Variants in ARHGAP10 observed in about 807,000 individuals in gnomAD.
The protein encoded by ARHGAP10 is rho GTPase-activating protein 10.
Under a neutral mutation model 108.6 loss-of-function variants are expected in ARHGAP10, and 87 were observed. That is an observed-to-expected ratio of 0.80 (90% CI 0.67 to 0.96). The LOEUF (loss-of-function observed/expected upper bound fraction) is 0.96. Among genes scored for constraint, ARHGAP10 ranks in the 40% least tolerant of loss-of-function variants. The pLI, the probability that ARHGAP10 is intolerant of heterozygous loss-of-function variation, is 0.00. For missense variants in ARHGAP10, 939 were observed against 954.5 expected (o/e 0.98, Z 0.21); for synonymous variants, 347 against 341.1 (o/e 1.02, Z -0.19).
intron 7 of ARHGAP10, among the ~76,000 whole-genome samples, chr4:147,870,367 A>G (rs553797342): frequency 5.3e-5 from 8 of 152,182 alleles, no homozygotes; most frequent in Admixed American, 3.3e-4. Flanking sequence ...GGCCGCATAT[A>G]TGTATTTTAG....
intron 18 of ARHGAP10, among the ~76,000 whole-genome samples, chr4:147,973,707 G>A (rs1000740841): frequency 6.6e-6 from 1 of 152,014 alleles, no homozygotes; most frequent in African/African-American, 2.4e-5. Flanking sequence ...CCCAGCCTCT[G>A]GTAACCATCA....
rs537508157 is a variant in ARHGAP10 at position 148,015,764 on chromosome 4, C to A, written c.1717-7499C>A. Reference sequence around the variant, plus strand: ...ATCAGGGTTTGCTTAAACCTGTAGACTCCAAAGCTCAAAGTTGTATTTGGC... The same window carrying A: ...ATCAGGGTTTGCTTAAACCTGTAGAATCCAAAGCTCAAAGTTGTATTTGGC... On this transcript the variant is annotated intron_variant, in intron 18 of 22. Transcript: ENST00000336498. 3.9e-5 allele frequency among the ~76,000 whole-genome samples: 6 copies of A among 152,334 alleles called. No individual in the cohort carries two copies. In the South Asian group the frequency reaches 1.2e-3, roughly 32 times the overall value.
chr4:147,796,363 A>AT (rs34017910), intron 1 of ARHGAP10, among the ~76,000 whole-genome samples: 4 of 151,904 alleles, frequency 2.6e-5, no homozygotes, highest in African/African-American at 4.8e-5. Context: ...ATCTGTGAGC[A>AT]TTTTTTTTAA....
At position 147,860,111 on chromosome 4, in the gene ARHGAP10, C is replaced by T. The variant is rs573093378; in HGVS notation, c.486+2457C>T. Among the ~76,000 whole-genome samples, 22 of 152,290 alleles carry T rather than the reference C, an allele frequency of 1.4e-4. No individual in the cohort carries two copies. The South Asian group carries it at 2.3e-3, about 16-fold the overall frequency. ...ATGATACTGAACAAAGGCTTAGAAA[C>T]GTACATAATTCATTCTCTCCTCTTG... On this transcript the variant is annotated intron_variant, in intron 5 of 22. Coordinates refer to ENST00000336498, the MANE Select transcript of ARHGAP10 (RefSeq NM_024605.4).
chr4:147,946,834 G>C (rs952961532), intron 15 of ARHGAP10, 130 bp downstream of exon 15: 1 of 589,774 alleles, frequency 1.7e-6, no homozygotes, highest in Non-Finnish European at 2.6e-6. Context: ...AATTTATCAG[G>C]TGTCTCAGTG....
Position 147,801,965 on chromosome 4 carries a change from G to T in ARHGAP10, c.155-20762G>T, listed in dbSNP as rs552518629. Reference sequence around the variant, plus strand: ...AAAACTCTTTGGATGTCTGGGATGGGAGGCATTGATTTCTCTCCCTGAGGC... The same window carrying T: ...AAAACTCTTTGGATGTCTGGGATGGTAGGCATTGATTTCTCTCCCTGAGGC... On this transcript the variant is annotated intron_variant, in intron 1 of 22. Transcript: ENST00000336498. Among the ~76,000 whole-genome samples the T allele has an allele frequency of 3.9e-5, 6 of 152,302 alleles. No individual in the cohort carries two copies. In the East Asian group the frequency reaches 1.2e-3, roughly 29 times the overall value.
chr4:148,060,311 G>C (rs532072393), intron 20 of ARHGAP10, among the ~76,000 whole-genome samples: 1 of 150,158 alleles, frequency 6.7e-6, no homozygotes, highest in African/African-American at 2.5e-5. Flanking sequence ...AGTTTGGAAG[G>C]TAAGAGATGG....
At chr4:147,857,493 TG>T in intron 4 of ARHGAP10, 59 bp from the exon 5 acceptor site, 1 of 1,347,932 alleles carries the variant, frequency 7.4e-7, no homozygotes, top group South Asian at 1.6e-5. Context: ...AGCTTCCCAG[TG>T]GATTAACCAT....
chr4:147,782,687 A>T lies in ARHGAP10; in HGVS notation c.155-40040A>T, dbSNP rs117549994. On this transcript the variant is annotated intron_variant, in intron 1 of 22. Coordinates refer to ENST00000336498, the MANE Select transcript of ARHGAP10 (RefSeq NM_024605.4). The stretch of plus-strand genomic sequence containing the variant: ...TAGCAGTCTGAGATGCCCAGTACTG[A>T]CTGTGGTACAACTTGTTCTGAGGGG... 6.8e-3 allele frequency: 1,039 copies of T among 152,180 alleles called. 22 individuals are homozygous for T. Among genetic ancestry groups the T allele is most frequent in the Admixed American group, 0.031 (465 of 15,086 alleles). 9.4% of individuals were successfully genotyped at this position (152,180 alleles called of 1,614,324 possible). A position where few individuals can be genotyped will look rare whatever the true frequency, so the allele number is the denominator to read the frequency against.
At chr4:148,068,394 C>T (rs1329379611) in intron 22 of ARHGAP10, among the ~76,000 whole-genome samples, 4 of 152,148 alleles carry the variant, frequency 2.6e-5, no homozygotes, top group Non-Finnish European at 4.4e-5. Context: ...AGAATAATCC[C>T]TGGAAAACAA....
chr4:147,823,073 A>G (rs1219188640), intron 3 of ARHGAP10, 116 bp downstream of exon 3: 2 of 1,061,248 alleles, frequency 1.9e-6, no homozygotes, highest in African/African-American at 3.2e-5. Context: ...ACAGTAGTGC[A>G]TTGTAATGGA....
At chr4:147,844,474 T>TC (rs1237694916) in intron 3 of ARHGAP10, among the ~76,000 whole-genome samples, 4 of 152,078 alleles carry the variant, frequency 2.6e-5, no homozygotes, top group Admixed American at 2.0e-4. Context: ...CATCCCTACC[T>TC]CCCCCCTACT....
intron 18 of ARHGAP10, 180 bp from the exon 19 acceptor site, chr4:148,023,075 TATTTTGGA>T (rs1413543041): frequency 5.8e-6 from 3 of 516,340 alleles, no homozygotes; most frequent in Non-Finnish European, 1.0e-5. Flanking sequence ...TCAGAGATTT[TATTTTGGA>T]ATCTTCTGTT....
chr4:147,878,088 C>T (rs1017401416), intron 8 of ARHGAP10, among the ~76,000 whole-genome samples: 4 of 151,866 alleles, frequency 2.6e-5, no homozygotes, highest in Admixed American at 6.6e-5. Flanking sequence ...AGGCACGCAC[C>T]ACCACGCCCA....
chr4:147,941,391 T>C (rs1460915249), intron 14 of ARHGAP10, among the ~76,000 whole-genome samples: 2 of 152,214 alleles, frequency 1.3e-5, no homozygotes, highest in East Asian at 3.8e-4. Flanking sequence ...GGTAGTTTGC[T>C]CTGCTCATGG....
At chr4:147,961,257 C>T (rs1313834111) in intron 16 of ARHGAP10, among the ~76,000 whole-genome samples, 2 of 152,112 alleles carry the variant, frequency 1.3e-5, no homozygotes, top group East Asian at 1.9e-4. Flanking sequence ...GTGAGTATTA[C>T]TCTTTCATTG....
intron 1 of ARHGAP10, among the ~76,000 whole-genome samples, chr4:147,737,360 A>G (rs1206370669): frequency 7.3e-6 from 1 of 137,216 alleles, no homozygotes; most frequent in African/African-American, 2.8e-5. Context: ...ACAGGGTTTC[A>G]CTGTGGTTGG....
At chr4:148,012,925 T>G (rs1217356262) in intron 18 of ARHGAP10, among the ~76,000 whole-genome samples, 5 of 88,944 alleles carry the variant, frequency 5.6e-5, no homozygotes, top group Admixed American at 3.8e-4. Context: ...ATCTGTCTGG[T>G]TTTTTTTTTT....
At chr4:148,057,934 CCTT>C (rs569939918) in intron 20 of ARHGAP10, among the ~76,000 whole-genome samples, 96 of 152,348 alleles carry the variant, frequency 6.3e-4, no homozygotes, top group Middle Eastern at 3.4e-3. Flanking sequence ...GCAGCAAAGT[CCTT>C]CTCCCCCAAC....
Sources: allele counts gnomAD v4.1 joint callset (sites outside exome capture counted in the v4.1 genomes callset), GRCh38; gene constraint gnomAD v4.1.1; transcripts MANE v1.5; gene names NCBI Gene and HGNC (gene_info 2026-07-23, HGNC 2026-07-21).